Variants in SCFD1 observed in about 807,000 individuals in gnomAD.
The protein encoded by SCFD1 is sec1 family domain containing 1.
SCFD1 carries 37 observed loss-of-function variants against 103.2 expected under a neutral mutation model. The ratio of observed to expected loss-of-function variants is 0.36; its 90% CI spans 0.28 to 0.47. The LOEUF is 0.47. Ranked by LOEUF, SCFD1 falls within the 20% of genes least tolerant of loss-of-function variation. The pLI, the probability that SCFD1 is intolerant of heterozygous loss-of-function variation, is 1.00. For synonymous variants in SCFD1, 264 were observed against 245.0 expected (o/e 1.08, Z -0.73); for missense variants, 639 against 761.2 (o/e 0.84, Z 1.89).
At chr14:30,721,684 C>T in intron 21 of SCFD1, 200 bp from the exon 22 acceptor site, 1 of 553,270 alleles carries the variant, frequency 1.8e-6, no homozygotes, top group Non-Finnish European at 3.2e-6. Flanking sequence ...TGAGATATCT[C>T]CCTTTTCTAG....
At position 30,675,076 on chromosome 14, in the gene SCFD1, C is replaced by CT; in HGVS notation, c.1242+16dup. 2 of 1,458,326 alleles carry CT rather than the reference C, an allele frequency of 1.4e-6. No individual in the cohort carries two copies. Among genetic ancestry groups the CT allele is most frequent in the Non-Finnish European group, 1.9e-6 (2 of 1,065,486 alleles). The allele number at this position is 1,458,326 out of a possible 1,614,324, so 90.3% of individuals were successfully genotyped here. Reference sequence around the variant, plus strand: ...TTAGAACATATAAAGGTAAATTTAACTTTTTCCCCCCCACAATATGACTTG... The same window carrying CT: ...TTAGAACATATAAAGGTAAATTTAACTTTTTTCCCCCCCACAATATGACTTG... On this transcript the variant is annotated intron_variant, in intron 14 of 24. Transcript: ENST00000458591.
chr14:30,658,313 TAA>T (rs966693097), intron 10 of SCFD1: 2 of 151,398 alleles, frequency 1.3e-5, no homozygotes, highest in Non-Finnish European at 2.9e-5. Context: ...CAGTCAAGAA[TAA>T]AAAAAAAATG....
intron 5 of SCFD1, 146 bp from the exon 6 acceptor site, chr14:30,639,631 G>C (rs1885068440): frequency 1.3e-6 from 1 of 747,292 alleles, no homozygotes; most frequent in South Asian, 2.5e-5. Flanking sequence ...TGTTCAATTA[G>C]GCTGTTACAC....
At chr14:30,673,479 T>TG (rs1196157140) in intron 12 of SCFD1, 132 bp downstream of exon 12, 18 of 493,438 alleles carry the variant, frequency 3.6e-5, no homozygotes, top group African/African-American at 5.9e-5. Flanking sequence ...ATTTTCAACT[T>TG]GCGTAAGTGA....
chr14:30,640,826 T>G (rs1243565675), intron 6 of SCFD1, among the ~76,000 whole-genome samples: 1 of 152,144 alleles, frequency 6.6e-6, no homozygotes, highest in Non-Finnish European at 1.5e-5. Flanking sequence ...ATTCGTATAC[T>G]TATAAGTTTA....
At chr14:30,631,923 C>T (rs1310989302) in intron 3 of SCFD1, among the ~76,000 whole-genome samples, 1 of 151,782 alleles carries the variant, frequency 6.6e-6, no homozygotes, top group African/African-American at 2.4e-5. Context: ...GCGTACCCAC[C>T]TGTAATCCTA....
chr14:30,683,341 T>G (rs1330214350), intron 14 of SCFD1: 1 of 608,946 alleles, frequency 1.6e-6, no homozygotes, highest in African/African-American at 1.9e-5. Context: ...GGGTAGTCAC[T>G]GGGGAACTCT....
At chr14:30,657,653 T>A (rs230342) in intron 10 of SCFD1, among the ~76,000 whole-genome samples, 15,008 of 152,182 alleles carry the variant, frequency 0.099, 1,407 homozygotes, top group African/African-American at 0.24. Context: ...ATGAACAAAC[T>A]ATAACTGAGA....
Position 30,735,683 on chromosome 14 carries a change from A to G in SCFD1, c.*74A>G, listed in dbSNP as rs1054717181. 3.6e-6 allele frequency: 4 copies of G among 1,099,636 alleles called. No individual in the cohort carries two copies. In the South Asian group the frequency reaches 5.6e-5, roughly 16 times the overall value. 68.1% of individuals were successfully genotyped at this position (1,099,636 alleles called of 1,614,324 possible). A position where few individuals can be genotyped will look rare whatever the true frequency, so the allele number is the denominator to read the frequency against. On this transcript the variant is annotated 3_prime_UTR_variant, in exon 25 of 25. Transcript: ENST00000458591. Reference sequence around the variant, plus strand: ...AAAAAGAAGAAAAGTTAGAAGAGCAATATGTTTCCTTCTCTGTAACAGTGT... The same window carrying G: ...AAAAAGAAGAAAAGTTAGAAGAGCAGTATGTTTCCTTCTCTGTAACAGTGT...
intron 19 of SCFD1, among the ~76,000 whole-genome samples, chr14:30,713,025 TATGTTAGCTGCTAAA>T (rs1892001184): frequency 6.6e-6 from 1 of 152,236 alleles, no homozygotes; most frequent in Non-Finnish European, 1.5e-5. Flanking sequence ...CATGTGCTAA[TATGTTAGCTGCTAAA>T]ATCCGGTTTT....
chr14:30,720,131 A>T (rs1309706288), intron 21 of SCFD1, among the ~76,000 whole-genome samples: 1 of 152,202 alleles, frequency 6.6e-6, no homozygotes, highest in African/African-American at 2.4e-5. Context: ...GTGTGAAAAT[A>T]ATCTAGTCAT....
At chr14:30,697,779 A>G (rs1386547687) in intron 15 of SCFD1, among the ~76,000 whole-genome samples, 2 of 152,230 alleles carry the variant, frequency 1.3e-5, no homozygotes, top group African/African-American at 4.8e-5. Context: ...AAACCAGCCT[A>G]TAGTCTTAAA....
intron 15 of SCFD1, among the ~76,000 whole-genome samples, chr14:30,699,852 T>TGGC (rs1890957078): frequency 6.6e-6 from 1 of 152,210 alleles, no homozygotes; most frequent in Non-Finnish European, 1.5e-5. Flanking sequence ...ACCTCAAAAG[T>TGGC]ATCCTGTTTC....
intron 18 of SCFD1, among the ~76,000 whole-genome samples, chr14:30,706,596 T>C (rs891317334): frequency 6.6e-6 from 1 of 152,208 alleles, no homozygotes; most frequent in Non-Finnish European, 1.5e-5. Flanking sequence ...TCAGGATAGA[T>C]TCAAGCAGTG....
chr14:30,632,496 A>T (rs1314882966), intron 3 of SCFD1, among the ~76,000 whole-genome samples: 1 of 152,184 alleles, frequency 6.6e-6, no homozygotes, highest in Admixed American at 6.5e-5. Context: ...GGTTTCATGA[A>T]ATACGGTATT....
intron 15 of SCFD1, among the ~76,000 whole-genome samples, chr14:30,697,403 A>G (rs1017133235): frequency 2.6e-5 from 4 of 152,254 alleles, no homozygotes; most frequent in Admixed American, 6.5e-5. Context: ...GAGGATGCCA[A>G]GAGTCCATGT....
intron 23 of SCFD1, among the ~76,000 whole-genome samples, chr14:30,727,022 A>G (rs541429052): frequency 1.3e-5 from 2 of 152,342 alleles, no homozygotes; most frequent in South Asian, 4.1e-4. Context: ...GAGGGAAGAC[A>G]AAAGTTTTCA....
intron 23 of SCFD1, among the ~76,000 whole-genome samples, chr14:30,724,291 C>T (rs1460262273): frequency 2.5e-5 from 3 of 119,270 alleles, no homozygotes; most frequent in African/African-American, 3.3e-5. Context: ...CTTACTCCAT[C>T]GCCCAGGTTG....
intron 9 of SCFD1, chr14:30,652,281 A>T (rs1886467689): frequency 1.3e-5 from 2 of 152,284 alleles, no homozygotes; most frequent in East Asian, 1.9e-4. Flanking sequence ...ACTTCTGTAG[A>T]CACATGATAA....
Sources: gnomAD v4.1 joint callset for allele counts (sites outside exome capture counted in the v4.1 genomes callset) on GRCh38, gnomAD v4.1.1 for gene constraint, MANE v1.5 for transcripts, NCBI Gene and HGNC (gene_info 2026-07-23, HGNC 2026-07-21) for gene names.